Variants in CLEC1A observed in about 807,000 individuals in gnomAD.
The protein encoded by CLEC1A is C-type lectin domain family 1 member A, also known as C-type lectin-like receptor-1.
A neutral mutation model predicts 28.7 loss-of-function variants in CLEC1A; 34 were observed. The ratio of observed to expected loss-of-function variants is 1.18; its 90% CI spans 0.90 to 1.57. The LOEUF is 1.57. Ranked by LOEUF, CLEC1A falls within the 40% of genes most tolerant of loss-of-function variation. The pLI is 0.00. For synonymous variants in CLEC1A, 116 were observed against 121.0 expected (o/e 0.96, Z 0.27); for missense variants, 385 against 339.5 (o/e 1.13, Z -1.05).
At chr12:10,078,710 G>C (rs1167001072) in intron 3 of CLEC1A, among the ~76,000 whole-genome samples, 2 of 152,176 alleles carry the variant, frequency 1.3e-5, no homozygotes, top group Non-Finnish European at 2.9e-5. Flanking sequence ...AATGCTGGTT[G>C]ATATAGTTTG....
At chr12:10,087,235 G>A (rs1307135402) in intron 2 of CLEC1A, among the ~76,000 whole-genome samples, 4 of 136,708 alleles carry the variant, frequency 2.9e-5, no homozygotes, top group Non-Finnish European at 6.3e-5. Context: ...CTAGCTAACT[G>A]AATCCAACAG....
chr12:10,095,546 AAAAG>A (rs1174881893), intron 1 of CLEC1A, among the ~76,000 whole-genome samples: 4 of 152,174 alleles, frequency 2.6e-5, no homozygotes, highest in Non-Finnish European at 4.4e-5. Flanking sequence ...TCTTCAAAAA[AAAAG>A]AGAGAAAGAA....
chr12:10,094,028 T>C (rs1947744831), intron 1 of CLEC1A, among the ~76,000 whole-genome samples: 1 of 152,096 alleles, frequency 6.6e-6, no homozygotes, highest in Non-Finnish European at 1.5e-5. Flanking sequence ...TTGAAAAGAG[T>C]ATACATCTAA....
At chr12:10,095,455 G>A (rs1422414961) in intron 1 of CLEC1A, among the ~76,000 whole-genome samples, 1 of 151,970 alleles carries the variant, frequency 6.6e-6, no homozygotes, top group East Asian at 1.9e-4. Context: ...CTACAATTGA[G>A]TTAGAATTTC....
chr12:10,073,236 A>T, intron 5 of CLEC1A, 57 bp downstream of exon 5: 1 of 1,312,298 alleles, frequency 7.6e-7, no homozygotes, highest in Non-Finnish European at 1.1e-6. Flanking sequence ...GAGCTCTATC[A>T]CTCAAGCAAA....
At chr12:10,078,030 C>G (rs540344868) in intron 3 of CLEC1A, among the ~76,000 whole-genome samples, 27 of 152,264 alleles carry the variant, frequency 1.8e-4, no homozygotes, top group African/African-American at 6.5e-4. Context: ...CAATTTATAT[C>G]CCATCATGCC....
chr12:10,075,476 C>T, intron 4 of CLEC1A, 28 bp downstream of exon 4: 3 of 1,610,012 alleles, frequency 1.9e-6, no homozygotes, highest in Non-Finnish European at 2.5e-6. Flanking sequence ...TGAAATCCTT[C>T]AAACATTGAA....
At chr12:10,085,232 C>T (rs1357441267) in intron 2 of CLEC1A, among the ~76,000 whole-genome samples, 1 of 150,718 alleles carries the variant, frequency 6.6e-6, no homozygotes, top group Admixed American at 6.6e-5. Context: ...CACACACACA[C>T]ACACACACAC....
chr12:10,071,866 G>A (rs1866143305), intron 5 of CLEC1A, among the ~76,000 whole-genome samples: 1 of 152,208 alleles, frequency 6.6e-6, no homozygotes, highest in Non-Finnish European at 1.5e-5. Flanking sequence ...TGTCTCCTGG[G>A]AGAATAATGA....
chr12:10,074,379 GA>G (rs1866205820), intron 4 of CLEC1A, among the ~76,000 whole-genome samples: 1 of 152,032 alleles, frequency 6.6e-6, no homozygotes, highest in African/African-American at 2.4e-5. Context: ...AACTGTAGTT[GA>G]AAATATTTAT....
Position 10,078,366 on chromosome 12 carries a change from A to G in CLEC1A, c.392-2711T>C, listed in dbSNP as rs566656316. On this transcript the variant is annotated intron_variant, in intron 3 of 5. Transcript: ENST00000315330. ...CTCATTATTCCTGGAATATGCAGAT[A>G]CATTCATGTTTTAAGGCTCTTTTGT... Among the ~76,000 whole-genome samples the G allele has an allele frequency of 7.9e-5, 12 of 152,298 alleles. No individual in the cohort carries two copies. The South Asian group carries it at 2.3e-3, about 29-fold the overall frequency.
In CLEC1A at chr12:10,071,521, A is replaced by G; in HGVS notation, c.663-8T>C. The G allele has an allele frequency of 6.4e-7, 1 of 1,567,758 alleles. No homozygotes were observed. The highest frequency in any genetic ancestry group is 8.6e-7 in the Non-Finnish European group (1 of 1,157,546). On this transcript the variant is annotated splice_polypyrimidine_tract_variant and splice_region_variant and intron_variant, in intron 5 of 5. Transcript: ENST00000315330. ...TCTATTATAATATGGAACCTTAAGA[A>G]AGGAAGAAAAAGTAAATTCAATCAC...
intron 2 of CLEC1A, among the ~76,000 whole-genome samples, chr12:10,088,427 TAACTGTTCAAAGAACAGTTAAAAG>T (rs58356263): frequency 0.062 from 9,271 of 148,582 alleles, 784 homozygotes; most frequent in African/African-American, 0.19. Flanking sequence ...TTTCTTTGAA[TAACTGTTCAAAGAACAGTTAAAAG>T]AACTGTTCAA....
chr12:10,081,681 C>A (rs184253794), intron 2 of CLEC1A, among the ~76,000 whole-genome samples: 1 of 150,422 alleles, frequency 6.6e-6, no homozygotes, highest in East Asian at 1.9e-4. Flanking sequence ...ATTTGGACAA[C>A]AGAACAGGGT....
At chr12:10,091,779 T>C (rs1206046574) in intron 1 of CLEC1A, among the ~76,000 whole-genome samples, 2 of 152,156 alleles carry the variant, frequency 1.3e-5, no homozygotes, top group African/African-American at 2.4e-5. Flanking sequence ...CTAGATTCCA[T>C]AGTTAAAAGT....
At position 10,071,101 on chromosome 12, in the gene CLEC1A, G is replaced by A; in HGVS notation, c.*232C>T. ...AGCCAAGAAGGCAGATGACATTATG[G>A]GTTTCTGAGGTTGGTTGGTGGCATG... On this transcript the variant is annotated 3_prime_UTR_variant, in exon 6 of 6. Transcript: ENST00000315330. The A allele has an allele frequency of 5.4e-6, 2 of 370,970 alleles. No individual in the cohort carries two copies. The highest frequency in any genetic ancestry group is 1.4e-4 in the South Asian group (2 of 14,642). 23.0% of individuals were successfully genotyped at this position (370,970 alleles called of 1,614,324 possible). A position where few individuals can be genotyped will look rare whatever the true frequency, so the allele number is the denominator to read the frequency against.
chr12:10,071,855 CT>C (rs1348378627), intron 5 of CLEC1A, among the ~76,000 whole-genome samples: 10 of 152,304 alleles, frequency 6.6e-5, no homozygotes, highest in African/African-American at 2.4e-4. Flanking sequence ...CAAATATATC[CT>C]GTCTCCTGGG....
rs1866363567 is a variant in CLEC1A at position 10,081,281 on chromosome 12, T to C, written c.347A>G (p.His116Arg). The C allele has an allele frequency of 1.2e-6, 2 of 1,612,010 alleles. No individual in the cohort carries two copies. Among genetic ancestry groups the C allele is most frequent in the East Asian group, 2.2e-5 (1 of 44,782 alleles). Residue 116 changes from histidine (H) to arginine (R), a missense_variant, in exon 3 of 6, where the codon CAT (histidine) becomes CGT (arginine). His to Arg is a conservative substitution (Grantham distance 29, BLOSUM62 0). Coordinates refer to ENST00000315330, the MANE Select transcript of CLEC1A (RefSeq NM_016511.4). The stretch of plus-strand genomic sequence containing the variant: ...CTCACGACAGAGTTTTTCAGCCACA[T>C]GCTGCAGACTTCCTGCAAGCTTTAT... ...QNIKLAGSLQ[H>R]VAEKLCRELY... is the part of the protein sequence containing the mutation.
chr12:10,071,504 A>T lies in CLEC1A; in HGVS notation c.672T>A (p.Ile224=). 1 of 1,596,436 alleles carries T rather than the reference A, an allele frequency of 6.3e-7. No individual in the cohort carries two copies. The highest frequency in any genetic ancestry group is 8.5e-7 in the Non-Finnish European group (1 of 1,172,824). ...GTPFTSELFH[I]IIDVTSPRSR... ...TTCTTGGGCTGGTGACATCTATTATAATATGGAACCTTAAGAAAGGAAGAA... is the reference window on the plus strand; with the variant it reads ...TTCTTGGGCTGGTGACATCTATTATTATATGGAACCTTAAGAAAGGAAGAA... The change falls in exon 6 of 6, where the codon ATT becomes ATA. Residue 224 remains isoleucine, a synonymous_variant. Coordinates refer to ENST00000315330, the MANE Select transcript of CLEC1A (RefSeq NM_016511.4).
Sources: gnomAD v4.1 joint callset for allele counts (sites outside exome capture counted in the v4.1 genomes callset) on GRCh38, gnomAD v4.1.1 for gene constraint, MANE v1.5 for transcripts, NCBI Gene and HGNC (gene_info 2026-07-23, HGNC 2026-07-21) for gene names.